LSR: variants seen among roughly 807,000 people sequenced by gnomAD.
The protein encoded by LSR is lipolysis-stimulated lipoprotein receptor.
In LSR, 44 loss-of-function variants were observed where a neutral mutation model predicts 61.8. The observed-to-expected ratio is 0.71, with a 90% CI of 0.56 to 0.91. The LOEUF is 0.91. Ranked by LOEUF, LSR falls within the 40% of genes least tolerant of loss-of-function variation. The pLI is 0.00. For synonymous variants in LSR, 397 were observed against 350.6 expected (o/e 1.13, Z -1.48); for missense variants, 911 against 830.5 (o/e 1.10, Z -1.19).
At chr19:35,250,792 A>ATT in intron 2 of LSR, 133 bp downstream of exon 2, 17 of 564,768 alleles carry the variant, frequency 3.0e-5, no homozygotes, top group East Asian at 6.8e-5. Context: ...GAAGGGAGCA[A>ATT]TTCTTTTTTT....
rs79946642 is a variant in LSR at position 35,263,095 on chromosome 19, C to T, written c.778+403C>T. On this transcript the variant is annotated intron_variant, in intron 5 of 9. Transcript: ENST00000605618. ...AGGAGTTCCAGATCAGCCTGGCCAACATGGTAAAACCCAGTTCTCTACTAA... is the reference window on the plus strand; with the variant it reads ...AGGAGTTCCAGATCAGCCTGGCCAATATGGTAAAACCCAGTTCTCTACTAA... 3.7e-5 allele frequency: 6 copies of T among 164,298 alleles called. No homozygotes were observed. In the East Asian group the frequency reaches 7.1e-4, roughly 19 times the overall value. 10.2% of individuals were successfully genotyped at this position (164,298 alleles called of 1,614,324 possible).
At chr19:35,255,009 C>T (rs915397008) in intron 2 of LSR, among the ~76,000 whole-genome samples, 1 of 152,062 alleles carries the variant, frequency 6.6e-6, no homozygotes, top group African/African-American at 2.4e-5. Context: ...TAGCAGGGAC[C>T]AGCTCTTGAG....
intron 2 of LSR, among the ~76,000 whole-genome samples, chr19:35,252,234 G>A (rs1386026464): frequency 3.3e-5 from 5 of 152,128 alleles, no homozygotes; most frequent in Non-Finnish European, 5.9e-5. Context: ...ATCAAGCATC[G>A]ACTATGTGTC....
intron 2 of LSR, among the ~76,000 whole-genome samples, chr19:35,252,897 T>C (rs1470873159): frequency 1.3e-5 from 2 of 152,064 alleles, no homozygotes; most frequent in African/African-American, 4.8e-5. Flanking sequence ...GGCATGTGCC[T>C]GTGGTCCCGG....
intron 5 of LSR, among the ~76,000 whole-genome samples, chr19:35,265,825 G>A (rs2065989956): frequency 6.6e-6 from 1 of 151,540 alleles, no homozygotes; most frequent in Admixed American, 6.6e-5. Flanking sequence ...CAGGTGGGCA[G>A]GACCCACGTC....
rs66534837 is a variant in LSR, at chr19:35,260,291, C to CTTTTTTTTT, written c.574+1237_574+1245dup. Reference sequence around the variant, plus strand: ...TAGGAATTAAAATGGGGAGATTTTCCTTTTTTTTTTTTTTTTTTGAGATGG... The same window carrying CTTTTTTTTT: ...TAGGAATTAAAATGGGGAGATTTTCCTTTTTTTTTTTTTTTTTTTTTTTTTTTGAGATGG... On this transcript the variant is annotated intron_variant, in intron 3 of 9. Coordinates refer to ENST00000605618, the MANE Select transcript of LSR (RefSeq NM_205834.4). 2.6e-5 allele frequency among the ~76,000 whole-genome samples: 3 copies of CTTTTTTTTT among 114,004 alleles called. 1 individual carries two copies. Among genetic ancestry groups the CTTTTTTTTT allele is most frequent in the South Asian group, 2.9e-4 (1 of 3,452 alleles). 74.8% of individuals were successfully genotyped at this position (114,004 alleles called of 152,430 possible).
intron 5 of LSR, 118 bp downstream of exon 5, chr19:35,262,810 C>T (rs568627964): frequency 1.5e-6 from 2 of 1,299,244 alleles, no homozygotes; most frequent in South Asian, 1.5e-5. Context: ...TGAATTTAGC[C>T]AGTGGGGAGA....
rs1244752898 is a variant in LSR at position 35,266,741 on chromosome 19, G to A, written c.1012+3G>A. The A allele has an allele frequency of 6.2e-7, 1 of 1,609,238 alleles. No homozygotes were observed. On this transcript the variant is annotated splice_donor_region_variant and intron_variant, in intron 7 of 9. Coordinates refer to ENST00000605618, the MANE Select transcript of LSR (RefSeq NM_205834.4). Reference sequence around the variant, plus strand: ...CACGGACAGCAGTGTGGCCTCTGGTGAGAATCCATCGTCCCGAAGTTGGAT... The same window carrying A: ...CACGGACAGCAGTGTGGCCTCTGGTAAGAATCCATCGTCCCGAAGTTGGAT...
Position 35,262,692 on chromosome 19 carries a change from C to T in LSR, c.778C>T (p.Leu260=), listed in dbSNP as rs192091396. 70 of 1,613,058 alleles carry T rather than the reference C, an allele frequency of 4.3e-5. No individual in the cohort carries two copies. In the Admixed American group the frequency reaches 5.8e-4, roughly 13 times the overall value. Residue 260 remains leucine, a splice_region_variant and synonymous_variant, in exon 5 of 10, where the codon CTG becomes TTG. Coordinates refer to ENST00000605618, the MANE Select transcript of LSR (RefSeq NM_205834.4). ...CPDKCCCPEA[L]YAAGKAATSG... ...AGACAAGTGCTGCTGCCCCGAGGCC[C>T]GTAAGTGTCCCGCTCATGGCCACCC...
intron 2 of LSR, among the ~76,000 whole-genome samples, chr19:35,254,828 TG>T (rs1486271293): frequency 3.3e-5 from 5 of 152,220 alleles, no homozygotes; most frequent in Admixed American, 6.5e-5. Context: ...GACCTTAGGA[TG>T]GATCAAAAGA....
At chr19:35,258,108 G>A (rs550428229) in intron 2 of LSR, among the ~76,000 whole-genome samples, 1 of 152,294 alleles carries the variant, frequency 6.6e-6, no homozygotes, top group African/African-American at 2.4e-5. Context: ...GGGGAGTTCT[G>A]ACTTTGGCTC....
Position 35,262,102 on chromosome 19 carries a change from C to G in LSR, c.631+121C>G, listed in dbSNP as rs1321002670. 3 of 934,502 alleles carry G rather than the reference C, an allele frequency of 3.2e-6. No homozygotes were observed. In the East Asian group the frequency reaches 8.4e-5, roughly 26 times the overall value. The allele number at this position is 934,502 out of a possible 1,614,324, so 57.9% of individuals were successfully genotyped here. On this transcript the variant is annotated intron_variant, in intron 4 of 9. Coordinates refer to ENST00000605618, the MANE Select transcript of LSR (RefSeq NM_205834.4). ...CTGCTCACTGTGGACCCCTCACTAA[C>G]CTGGCCTGACTGTGGCTCTGAGGCA...
intron 2 of LSR, among the ~76,000 whole-genome samples, chr19:35,258,638 C>T (rs756837033): frequency 2.6e-5 from 4 of 151,756 alleles, no homozygotes; most frequent in East Asian, 1.9e-4. Flanking sequence ...CCTCAGGCTC[C>T]GAGGGCACCA....
Position 35,267,827 on chromosome 19 carries a change from T to G in LSR, c.1774T>G (p.Leu592Val). ...ASRERRLKKN[L>V]ALSRESLVV ...CTTCTTTCTTTCTCCCTTGCAGAAC[T>G]TGGCCCTGAGTCGGGAAAGTTTAGT... Residue 592 changes from leucine (L) to valine (V), a missense_variant, in exon 10 of 10, where the codon TTG becomes GTG. Leu to Val is a conservative substitution (Grantham distance 32, BLOSUM62 1). Transcript: ENST00000605618. 6.2e-7 allele frequency: 1 copy of G among 1,613,822 alleles called. No individual in the cohort carries two copies.
rs1307095523 is a variant in LSR, at chr19:35,250,443, T to C, written c.238T>C (p.Tyr80His). 6.2e-7 allele frequency: 1 copy of C among 1,614,024 alleles called. No homozygotes were observed. The highest frequency in any genetic ancestry group is 2.2e-5 in the East Asian group (1 of 44,870). ...CACGCAACCCATCGTCATCTGGAAG[T>C]ACAAGTCTTTCTGCCGGGACCGCAT... The part of the protein sequence containing the change: ...TPTQPIVIWK[Y>H]KSFCRDRIAD... Residue 80 changes from tyrosine (Y) to histidine (H), a missense_variant, in exon 2 of 10, where the codon TAC becomes CAC. By Grantham distance (83) the Tyr-to-His change is moderately conservative (BLOSUM62 2). Coordinates refer to ENST00000605618, the MANE Select transcript of LSR (RefSeq NM_205834.4).
intron 5 of LSR, chr19:35,264,616 A>G (rs1387523922): frequency 2.0e-5 from 3 of 152,242 alleles, no homozygotes; most frequent in African/African-American, 7.2e-5. Flanking sequence ...CACACAGTCC[A>G]AGATACATGA....
Position 35,267,394 on chromosome 19 carries a change from C to G in LSR, c.1430C>G (p.Pro477Arg), listed in dbSNP as rs1479966278. ...SNGGRSRAYM[P>R]PRSRSRDDLY... ...GGTGGGAGAAGCCGGGCCTACATGC[C>G]CCCGCGGAGCCGCAGCCGGGACGAC... is the stretch of plus-strand genomic sequence containing the variant. Residue 477 changes from proline (P) to arginine (R), a missense_variant, in exon 9 of 10, where the codon CCC (proline) becomes CGC (arginine). Pro to Arg is a moderately radical substitution (Grantham distance 103). Coordinates refer to ENST00000605618, the MANE Select transcript of LSR (RefSeq NM_205834.4). The G allele has an allele frequency of 6.2e-7, 1 of 1,606,464 alleles. No homozygotes were observed. Among genetic ancestry groups the G allele is most frequent in the African/African-American group, 1.3e-5 (1 of 74,782 alleles).
In LSR at chr19:35,262,623, T is replaced by C; in HGVS notation, c.709T>C (p.Cys237Arg). ...CCTGGGCATCTGCTGGTGCCAGTGC[T>C]GCCCGCACACTTGCTGCTGCTACGT... ...LLLGICWCQC[C>R]PHTCCCYVRC... Residue 237 changes from cysteine to arginine, a missense_variant, in exon 5 of 10, where the codon TGC becomes CGC. Transcript: ENST00000605618. 1 of 1,614,238 alleles carries C rather than the reference T, an allele frequency of 6.2e-7. No homozygotes were observed.
At chr19:35,259,616 C>T (rs906563936) in intron 3 of LSR, among the ~76,000 whole-genome samples, 55 of 149,846 alleles carry the variant, frequency 3.7e-4, no homozygotes, top group African/African-American at 7.4e-5. Context: ...CCAGCCTGGG[C>T]GACAGAGTGA....
Sources: allele counts gnomAD v4.1 joint callset (sites outside exome capture counted in the v4.1 genomes callset), GRCh38; gene constraint gnomAD v4.1.1; transcripts MANE v1.5; gene names NCBI Gene and HGNC (gene_info 2026-07-23, HGNC 2026-07-21).